NRXN3: variants seen among roughly 807,000 people sequenced by gnomAD.
NRXN3 encodes the protein neurexin III.
NRXN3 carries 32 observed loss-of-function variants against 137.6 expected under a neutral mutation model. That is an observed-to-expected ratio of 0.23 (90% CI 0.18 to 0.31). NRXN3 has a LOEUF of 0.31. NRXN3 is among the 10% of genes least tolerant of loss of function. NRXN3 has a pLI of 1.00. For synonymous variants in NRXN3, 798 were observed against 784.5 expected, an observed-to-expected ratio of 1.02 and a Z score of -0.29; for missense variants, 1,574 against 2,062.5, an observed-to-expected ratio of 0.76 and a Z score of 4.59.
intron 15 of NRXN3, among the ~76,000 whole-genome samples, chr14:79,270,519 A>G (rs1444576659): frequency 3.9e-5 from 6 of 152,148 alleles, no homozygotes; most frequent in African/African-American, 1.4e-4. Context: ...ATTTGAACTT[A>G]AGCTCTCTGG....
At chr14:79,705,748 C>T (rs1292038524) in intron 19 of NRXN3, among the ~76,000 whole-genome samples, 4 of 152,102 alleles carry the variant, frequency 2.6e-5, no homozygotes, top group African/African-American at 9.7e-5. Flanking sequence ...CCAGAAAGGA[C>T]CTTCTTGACC....
intron 16 of NRXN3, among the ~76,000 whole-genome samples, chr14:79,585,683 T>TAAAAAAAA (rs1264605001): frequency 6.6e-5 from 5 of 75,918 alleles, no homozygotes; most frequent in East Asian, 5.0e-4. Context: ...GACTCCATCT[T>TAAAAAAAA]AAAAAAAAAA....
chr14:78,192,569 G>A (rs2060849039), intron 1 of NRXN3, among the ~76,000 whole-genome samples: 1 of 152,186 alleles, frequency 6.6e-6, no homozygotes. Flanking sequence ...GTGGGTGACA[G>A]CTGGCAGAGT....
chr14:79,697,246 C>T (rs545392788), intron 18 of NRXN3, among the ~76,000 whole-genome samples: 2 of 151,906 alleles, frequency 1.3e-5, no homozygotes, highest in East Asian at 3.9e-4. Flanking sequence ...TATTTTACTT[C>T]GTAGCTTTAA....
intron 16 of NRXN3, among the ~76,000 whole-genome samples, chr14:79,504,641 T>TATA (rs1555491923): frequency 1.0e-5 from 1 of 97,876 alleles, no homozygotes; most frequent in African/African-American, 3.7e-5. Context: ...ATGAAGTTTT[T>TATA]TATATATATA....
At chr14:78,519,381 G>T (rs528567985) in intron 4 of NRXN3, among the ~76,000 whole-genome samples, 7 of 152,104 alleles carry the variant, frequency 4.6e-5, no homozygotes, top group African/African-American at 1.7e-4. Context: ...ATGTGTGCAC[G>T]AGAAAAATGC....
At chr14:79,348,084 C>A (rs1182805607) in intron 15 of NRXN3, among the ~76,000 whole-genome samples, 1 of 152,068 alleles carries the variant, frequency 6.6e-6, no homozygotes, top group Non-Finnish European at 1.5e-5. Flanking sequence ...CAGCATCCTG[C>A]CAAGAGGGTA....
intron 1 of NRXN3, among the ~76,000 whole-genome samples, chr14:78,180,149 G>A (rs2153350442): frequency 6.6e-6 from 1 of 152,168 alleles, no homozygotes; most frequent in Non-Finnish European, 1.5e-5. Context: ...CACCTGGCTT[G>A]GTTTTTAAAA....
intron 17 of NRXN3, among the ~76,000 whole-genome samples, chr14:79,675,258 A>G (rs2098634465): frequency 6.6e-6 from 1 of 152,030 alleles, no homozygotes. Flanking sequence ...TCTTATAAAT[A>G]TAAATATATT....
chr14:79,169,430 T>C (rs1490636808), intron 15 of NRXN3, among the ~76,000 whole-genome samples: 1 of 152,110 alleles, frequency 6.6e-6, no homozygotes, highest in East Asian at 1.9e-4. Flanking sequence ...CTATATATCT[T>C]GCCAATCTAT....
chr14:79,524,750 A>C (rs542278568), intron 16 of NRXN3, among the ~76,000 whole-genome samples: 1 of 152,344 alleles, frequency 6.6e-6, no homozygotes, highest in East Asian at 1.9e-4. Context: ...ACATTTATTT[A>C]ATGTGTATAC....
At chr14:78,654,085 T>G (rs2097767836) in intron 6 of NRXN3, among the ~76,000 whole-genome samples, 1 of 152,200 alleles carries the variant, frequency 6.6e-6, no homozygotes, top group Admixed American at 6.5e-5. Context: ...TCACTTTGAG[T>G]CTAACGTAGT....
chr14:78,964,779 A>G (rs2099414338), intron 11 of NRXN3, among the ~76,000 whole-genome samples: 1 of 147,474 alleles, frequency 6.8e-6, no homozygotes, highest in Non-Finnish European at 1.5e-5. Flanking sequence ...TAAAATTTCC[A>G]GTCTCTTTGT....
intron 6 of NRXN3, among the ~76,000 whole-genome samples, chr14:78,698,579 G>A (rs2098250002): frequency 6.6e-6 from 1 of 151,960 alleles, no homozygotes; most frequent in Non-Finnish European, 1.5e-5. Context: ...TATTAGAGGT[G>A]TCCAGTAGCC....
chr14:78,506,098 C>A (rs191020492), intron 4 of NRXN3, among the ~76,000 whole-genome samples: 1 of 152,226 alleles, frequency 6.6e-6, no homozygotes, highest in East Asian at 1.9e-4. Flanking sequence ...TTCATTGAGC[C>A]TATATCCATT....
At chr14:78,556,205 C>T (rs1290226094) in intron 4 of NRXN3, among the ~76,000 whole-genome samples, 2 of 152,206 alleles carry the variant, frequency 1.3e-5, no homozygotes, top group Admixed American at 1.3e-4. Context: ...CTTCCCCCAC[C>T]CCTACTCCAG....
intron 11 of NRXN3, among the ~76,000 whole-genome samples, chr14:78,957,903 C>G (rs2099399980): frequency 6.6e-6 from 1 of 152,138 alleles, no homozygotes; most frequent in Admixed American, 6.5e-5. Flanking sequence ...TTACAAGGCA[C>G]TGATAATACA....
intron 15 of NRXN3, among the ~76,000 whole-genome samples, chr14:79,182,313 A>G (rs1032098773): frequency 4.1e-4 from 1 of 2,442 alleles, no homozygotes; most frequent in Non-Finnish European, 0.012. Context: ...TATTATTACT[A>G]TACTGTAATT....
intron 16 of NRXN3, among the ~76,000 whole-genome samples, chr14:79,657,019 C>T (rs1024670538): frequency 1.3e-5 from 2 of 152,072 alleles, no homozygotes; most frequent in Non-Finnish European, 2.9e-5. Context: ...CATATTAGTA[C>T]TATTTCTCAG....
Sources: allele counts gnomAD v4.1 joint callset (sites outside exome capture counted in the v4.1 genomes callset), GRCh38; gene constraint gnomAD v4.1.1; transcripts MANE v1.5; gene names NCBI Gene and HGNC (gene_info 2026-07-23, HGNC 2026-07-21).